RAPGEF2: variants seen among roughly 807,000 people sequenced by gnomAD.
RAPGEF2 encodes Rap guanine nucleotide exchange factor 2.
Under a neutral mutation model 186.7 loss-of-function variants are expected in RAPGEF2, and 54 were observed. That is an observed-to-expected ratio of 0.29 (90% CI 0.23 to 0.36). RAPGEF2 has a LOEUF of 0.36. Among genes scored for constraint, RAPGEF2 ranks in the 10% least tolerant of loss-of-function variants. The pLI is 1.00. For missense variants in RAPGEF2, 1,532 were observed against 2,045.0 expected, an observed-to-expected ratio of 0.75 and a Z score of 4.84; for synonymous variants, 712 against 705.9, an observed-to-expected ratio of 1.01 and a Z score of -0.14.
intron 1 of RAPGEF2, among the ~76,000 whole-genome samples, chr4:159,183,189 C>T (rs1265016573): frequency 6.6e-6 from 1 of 152,174 alleles, no homozygotes; most frequent in Non-Finnish European, 1.5e-5. Flanking sequence ...ACCAAAGCTG[C>T]CTACTCAAGA....
At chr4:159,180,638 T>C (rs910975134) in intron 1 of RAPGEF2, among the ~76,000 whole-genome samples, 6 of 152,236 alleles carry the variant, frequency 3.9e-5, no homozygotes, top group Admixed American at 3.3e-4. Flanking sequence ...GTTTATAGTC[T>C]GGTTTGATAT....
chr4:159,288,553 A>G (rs1450775566), intron 7 of RAPGEF2, among the ~76,000 whole-genome samples: 2 of 152,048 alleles, frequency 1.3e-5, no homozygotes, highest in South Asian at 2.1e-4. Flanking sequence ...CCCTGCCAGA[A>G]TGATCTTATA....
intron 4 of RAPGEF2, among the ~76,000 whole-genome samples, chr4:159,217,389 G>A (rs1310153114): frequency 1.3e-5 from 2 of 152,072 alleles, no homozygotes; most frequent in African/African-American, 4.8e-5. Flanking sequence ...AGTACCTAAC[G>A]TTTAGCTCCC....
At chr4:159,139,437 A>G (rs1377591288) in intron 1 of RAPGEF2, among the ~76,000 whole-genome samples, 1 of 152,220 alleles carries the variant, frequency 6.6e-6, no homozygotes, top group Non-Finnish European at 1.5e-5. Flanking sequence ...TTTGAGAAGG[A>G]CATCCTATAT....
intron 1 of RAPGEF2, among the ~76,000 whole-genome samples, chr4:159,174,416 C>T (rs562743393): frequency 6.6e-6 from 1 of 152,318 alleles, no homozygotes; most frequent in South Asian, 2.1e-4. Context: ...GCTCTTGTCC[C>T]TTGACACTTG....
intron 8 of RAPGEF2, among the ~76,000 whole-genome samples, chr4:159,307,830 G>A (rs576829663): frequency 6.6e-6 from 1 of 152,060 alleles, no homozygotes; most frequent in East Asian, 1.9e-4. Context: ...AATTAGCCAG[G>A]TGTAGTGGTG....
intron 4 of RAPGEF2, among the ~76,000 whole-genome samples, chr4:159,220,289 A>G (rs1751408052): frequency 6.6e-6 from 1 of 151,890 alleles, no homozygotes; most frequent in Admixed American, 6.6e-5. Flanking sequence ...GATGGAAATG[A>G]TCCAGTTGAG....
intron 11 of RAPGEF2, chr4:159,328,268 T>C (rs1766207196): frequency 6.6e-6 from 1 of 152,146 alleles, no homozygotes; most frequent in African/African-American, 2.4e-5. Context: ...TACACACCTG[T>C]GGTCAGTGTT....
At chr4:159,168,549 C>A (rs988101864) in intron 1 of RAPGEF2, among the ~76,000 whole-genome samples, 5 of 151,858 alleles carry the variant, frequency 3.3e-5, no homozygotes, top group Admixed American at 2.6e-4. Flanking sequence ...AGTTGGGTTT[C>A]ATCCCCAAGA....
chr4:159,104,456 C>G (rs1387659528), intron 1 of RAPGEF2, among the ~76,000 whole-genome samples: 2 of 149,480 alleles, frequency 1.3e-5, no homozygotes, highest in Non-Finnish European at 3.0e-5. Context: ...TCTTCCCTCC[C>G]CATGACTGAC....
rs77842637 is a variant in RAPGEF2, at chr4:159,221,120, T to C, written c.281+10537T>C. On this transcript the variant is annotated intron_variant, in intron 4 of 29. Coordinates refer to ENST00000691494, the MANE Select transcript of RAPGEF2 (RefSeq NM_001394067.2). The stretch of plus-strand genomic sequence containing the variant: ...TGGCTGGATATTGGTTTTCTTACTA[T>C]GTTAGTTGTAATCAGTTTTGGTTGC... Among the ~76,000 whole-genome samples the C allele has an allele frequency of 6.9e-3, 1,052 of 152,300 alleles. 17 individuals are homozygous for C. Among genetic ancestry groups the C allele is most frequent in the African/African-American group, 0.024 (990 of 41,550 alleles).
At chr4:159,183,313 A>G (rs1747213484) in intron 1 of RAPGEF2, among the ~76,000 whole-genome samples, 1 of 152,242 alleles carries the variant, frequency 6.6e-6, no homozygotes, top group Non-Finnish European at 1.5e-5. Flanking sequence ...TTACAGTTCA[A>G]TGTGGTAAAG....
chr4:159,207,608 A>T (rs1750116909), intron 3 of RAPGEF2, among the ~76,000 whole-genome samples: 1 of 152,234 alleles, frequency 6.6e-6, no homozygotes, highest in Non-Finnish European at 1.5e-5. Context: ...TGTTCATTTA[A>T]TCCTTGCAGC....
At position 159,103,960 on chromosome 4, in the gene RAPGEF2, C is replaced by A; in HGVS notation, c.-203C>A. Reference sequence around the variant, plus strand: ...GCGACCCTCCCGGCTGCGTCCAGCCCCTCGCGCCTGTACCGCGCTCTCGGC... The same window carrying A: ...GCGACCCTCCCGGCTGCGTCCAGCCACTCGCGCCTGTACCGCGCTCTCGGC... On this transcript the variant is annotated 5_prime_UTR_variant, in exon 1 of 30. Coordinates refer to ENST00000691494, the MANE Select transcript of RAPGEF2 (RefSeq NM_001394067.2). The A allele has an allele frequency of 6.5e-6, 1 of 153,532 alleles. No homozygotes were observed. Among genetic ancestry groups the A allele is most frequent in the South Asian group, 1.8e-4 (1 of 5,626 alleles). 9.5% of individuals were successfully genotyped at this position (153,532 alleles called of 1,614,324 possible).
chr4:159,268,653 G>A (rs182512739), intron 7 of RAPGEF2, among the ~76,000 whole-genome samples: 1 of 152,098 alleles, frequency 6.6e-6, no homozygotes, highest in African/African-American at 2.4e-5. Flanking sequence ...TATTGATTTG[G>A]TAATAAAGCG....
At chr4:159,358,018 T>G in intron 29 of RAPGEF2, 96 bp from the exon 30 acceptor site, 1 of 1,205,628 alleles carries the variant, frequency 8.3e-7, no homozygotes, top group Non-Finnish European at 1.2e-6. Context: ...ATAACTATGA[T>G]AGTTTTATTT....
At chr4:159,326,001 C>G (rs1202623856) in intron 11 of RAPGEF2, among the ~76,000 whole-genome samples, 1 of 152,110 alleles carries the variant, frequency 6.6e-6, no homozygotes, top group African/African-American at 2.4e-5. Context: ...GGTGAGGTAC[C>G]TGCTAAAGAA....
chr4:159,182,236 G>A (rs1290390419), intron 1 of RAPGEF2, among the ~76,000 whole-genome samples: 1 of 152,076 alleles, frequency 6.6e-6, no homozygotes, highest in African/African-American at 2.4e-5. Context: ...CTATATGACG[G>A]TGACATTTTA....
chr4:159,148,251 G>T (rs1224600720), intron 1 of RAPGEF2, among the ~76,000 whole-genome samples: 1 of 152,114 alleles, frequency 6.6e-6, no homozygotes, highest in East Asian at 1.9e-4. Context: ...TATTCATAAA[G>T]AAATAGTAAG....
Sources: gnomAD v4.1 joint callset for allele counts (sites outside exome capture counted in the v4.1 genomes callset) on GRCh38, gnomAD v4.1.1 for gene constraint, MANE v1.5 for transcripts, NCBI Gene and HGNC (gene_info 2026-07-23, HGNC 2026-07-21) for gene names.